SYNPR: variants seen among roughly 807,000 people sequenced by gnomAD.
SYNPR encodes the protein synaptoporin.
SYNPR carries 23 observed loss-of-function variants against 32.9 expected under a neutral mutation model. That is an observed-to-expected ratio of 0.70 (90% CI 0.50 to 0.99). The LOEUF is 0.99. SYNPR is among the 50% of genes least tolerant of loss of function. The probability of loss-of-function intolerance (pLI) is 0.00; values close to 1 mark genes in which losing one functional copy is unlikely to be tolerated. For synonymous variants in SYNPR, 146 were observed against 135.9 expected, an observed-to-expected ratio of 1.07 and a Z score of -0.52; for missense variants, 318 against 349.3, an observed-to-expected ratio of 0.91 and a Z score of 0.71.
chr3:63,592,654 G>A lies in SYNPR; in HGVS notation c.409-16471G>A, dbSNP rs190217840. Among the ~76,000 whole-genome samples, 251 of 152,102 alleles carry A rather than the reference G, an allele frequency of 1.7e-3. 1 individual carries two copies. Among genetic ancestry groups the A allele is most frequent in the African/African-American group, 5.8e-3 (240 of 41,524 alleles). On this transcript the variant is annotated intron_variant, in intron 4 of 5. Coordinates refer to ENST00000478300, the MANE Select transcript of SYNPR (RefSeq NM_001130003.2). ...TTAAGGAATTATCAGGAATAAGAATGCTACTTTATGTTCTACTGAGTTAAA... is the reference window on the plus strand; with the variant it reads ...TTAAGGAATTATCAGGAATAAGAATACTACTTTATGTTCTACTGAGTTAAA...
chr3:63,396,575 A>G (rs1305461114), intron 2 of SYNPR, among the ~76,000 whole-genome samples: 1 of 152,188 alleles, frequency 6.6e-6, no homozygotes, highest in African/African-American at 2.4e-5. Flanking sequence ...ACACTCCTGG[A>G]TAAATCTCTG....
chr3:63,525,821 T>C (rs1702001299), intron 3 of SYNPR, among the ~76,000 whole-genome samples: 1 of 152,090 alleles, frequency 6.6e-6, no homozygotes, highest in Non-Finnish European at 1.5e-5. Context: ...TTAGTCCACT[T>C]GTGTTGCTAT....
chr3:63,323,681 G>T (rs1338930125), intron 2 of SYNPR, among the ~76,000 whole-genome samples: 11 of 151,870 alleles, frequency 7.2e-5, no homozygotes, highest in Non-Finnish European at 1.6e-4. Flanking sequence ...TTTATAGGGT[G>T]GTTCTAGAAT....
At chr3:63,489,905 G>C (rs1347682075) in intron 3 of SYNPR, among the ~76,000 whole-genome samples, 4 of 152,118 alleles carry the variant, frequency 2.6e-5, no homozygotes, top group Non-Finnish European at 5.9e-5. Flanking sequence ...AGAGAGAAAA[G>C]ACTGGAATCT....
chr3:63,254,823 G>A lies in SYNPR; in HGVS notation n.154+2237G>A, dbSNP rs191060894. 2.8e-4 allele frequency among the ~76,000 whole-genome samples: 43 copies of A among 152,264 alleles called. No individual in the cohort carries two copies. In the East Asian group the frequency reaches 8.3e-3, roughly 29 times the overall value. On this transcript the variant is annotated intron_variant and non_coding_transcript_variant, in intron 2 of 4. Coordinates refer to the SYNPR transcript ENST00000478456. Reference sequence around the variant, plus strand: ...TTATGTATAATTTACATATAATTAAGTTATAATGAAAGCATTAGGGTGGGC... The same window carrying A: ...TTATGTATAATTTACATATAATTAAATTATAATGAAAGCATTAGGGTGGGC...
intron 5 of SYNPR, among the ~76,000 whole-genome samples, chr3:63,612,319 T>TCATAC (rs1460668477): frequency 1.3e-5 from 2 of 152,208 alleles, no homozygotes; most frequent in African/African-American, 2.4e-5. Context: ...TTCCCAAATG[T>TCATAC]CATACAGTGT....
chr3:63,242,365 C>A (rs1430249513), intron 1 of SYNPR, among the ~76,000 whole-genome samples: 1 of 151,998 alleles, frequency 6.6e-6, no homozygotes, highest in African/African-American at 2.4e-5. Context: ...GAGATACTTG[C>A]AACAAACCAG....
chr3:63,558,644 A>T (rs7619868), intron 4 of SYNPR, among the ~76,000 whole-genome samples: 141,315 of 152,274 alleles, frequency 0.93, 65,711 homozygotes, highest in East Asian at 1. Flanking sequence ...GGCTATTTTT[A>T]AAATTTAATA....
intron 2 of SYNPR, among the ~76,000 whole-genome samples, chr3:63,438,418 T>G (rs2107155494): frequency 6.6e-6 from 1 of 152,276 alleles, no homozygotes; most frequent in Admixed American, 6.5e-5. Context: ...GGTCTCGAAC[T>G]CCCGGCCTTG....
upstream of SYNPR, among the ~76,000 whole-genome samples, chr3:63,225,007 G>T (rs1423152929): frequency 6.6e-6 from 1 of 152,122 alleles, no homozygotes; most frequent in South Asian, 2.1e-4. Flanking sequence ...TGATCCCTTG[G>T]CATGAGGATT....
chr3:63,597,018 G>T (rs1333061523), intron 4 of SYNPR, among the ~76,000 whole-genome samples: 1 of 152,054 alleles, frequency 6.6e-6, no homozygotes, highest in Non-Finnish European at 1.5e-5. Flanking sequence ...ATTTTAGATT[G>T]ATTATATGAA....
At position 63,402,844 on chromosome 3, in the gene SYNPR, T is replaced by A. The variant is rs181132358; in HGVS notation, c.85-77988T>A. ...GCGCACTTGACATAGTCATTGCAAG[T>A]GTGATGGTGATGCAAGTGTGGAAGT... On this transcript the variant is annotated intron_variant, in intron 2 of 5. Coordinates refer to ENST00000478300, the MANE Select transcript of SYNPR (RefSeq NM_001130003.2). Among the ~76,000 whole-genome samples, 227 of 152,208 alleles carry A rather than the reference T, an allele frequency of 1.5e-3. 3 individuals carry two copies. The highest frequency in any genetic ancestry group is 0.01 in the Middle Eastern group (3 of 294).
chr3:63,313,458 T>A (rs4688394), intron 2 of SYNPR, among the ~76,000 whole-genome samples: 65,748 of 150,546 alleles, frequency 0.44, 14,571 homozygotes, highest in Middle Eastern at 0.52. Flanking sequence ...GTGAGAACAT[T>A]CAATGTGTGG....
At chr3:63,326,723 T>C (rs2087172702) in intron 2 of SYNPR, among the ~76,000 whole-genome samples, 1 of 152,134 alleles carries the variant, frequency 6.6e-6, no homozygotes, top group Non-Finnish European at 1.5e-5. Context: ...CTCTGTTAAA[T>C]AGCAGCACCA....
chr3:63,343,497 CCTGCCT>C (rs2087395555), intron 2 of SYNPR, among the ~76,000 whole-genome samples: 1 of 152,100 alleles, frequency 6.6e-6, no homozygotes, highest in Non-Finnish European at 1.5e-5. Context: ...GTTTGGAGGT[CCTGCCT>C]CTATCCATGT....
At chr3:63,578,393 GA>G (rs1248263375) in intron 4 of SYNPR, among the ~76,000 whole-genome samples, 2 of 152,134 alleles carry the variant, frequency 1.3e-5, no homozygotes, top group Non-Finnish European at 2.9e-5. Flanking sequence ...GGTGTAAGGA[GA>G]GAGTGAGTTA....
chr3:63,324,380 G>T (rs2087142047), intron 2 of SYNPR, among the ~76,000 whole-genome samples: 1 of 152,122 alleles, frequency 6.6e-6, no homozygotes, highest in African/African-American at 2.4e-5. Context: ...GCTAAGCCAG[G>T]AAATTTGCAT....
chr3:63,321,838 T>C (rs957089556), intron 2 of SYNPR, among the ~76,000 whole-genome samples: 1 of 152,056 alleles, frequency 6.6e-6, no homozygotes, highest in Non-Finnish European at 1.5e-5. Flanking sequence ...CAGGGCCTCT[T>C]TGCACCGTAC....
At chr3:63,478,626 A>G (rs1442820880) in intron 2 of SYNPR, among the ~76,000 whole-genome samples, 1 of 152,194 alleles carries the variant, frequency 6.6e-6, no homozygotes, top group Non-Finnish European at 1.5e-5. Flanking sequence ...TCCTGCCCCC[A>G]GAGAAATGTA....
Sources: allele counts gnomAD v4.1 joint callset (sites outside exome capture counted in the v4.1 genomes callset), GRCh38; gene constraint gnomAD v4.1.1; transcripts MANE v1.5; gene names NCBI Gene and HGNC (gene_info 2026-07-23, HGNC 2026-07-21).